ANO2: variants seen among roughly 807,000 people sequenced by gnomAD.
ANO2 encodes anoctamin 2, also known as anoctamin-2.
In ANO2, 101 loss-of-function variants were observed where a neutral mutation model predicts 124.2. That is an observed-to-expected ratio of 0.81 (90% confidence interval 0.69 to 0.96). The LOEUF (loss-of-function observed/expected upper bound fraction) is 0.96, where lower values mean the gene tolerates loss of function less well. Among genes scored for constraint, ANO2 ranks in the 40% least tolerant of loss-of-function variants. ANO2 has a pLI of 0.00. For missense variants in ANO2, 1,293 were observed against 1,274.5 expected, an observed-to-expected ratio of 1.01 and a Z score of -0.22; for synonymous variants, 486 against 482.5, an observed-to-expected ratio of 1.01 and a Z score of -0.09.
chr12:5,581,401 C>T (rs554942601), intron 20 of ANO2, among the ~76,000 whole-genome samples: 4 of 152,252 alleles, frequency 2.6e-5, no homozygotes, highest in South Asian at 4.2e-4. Context: ...ACACAGCATG[C>T]CCTCACCACA....
At chr12:5,707,895 C>A (rs927958760) in intron 14 of ANO2, among the ~76,000 whole-genome samples, 1 of 152,206 alleles carries the variant, frequency 6.6e-6, no homozygotes, top group African/African-American at 2.4e-5. Flanking sequence ...ATTGTCCACT[C>A]CCATGTGTCC....
At chr12:5,926,301 C>A (rs1037021916) in intron 1 of ANO2, among the ~76,000 whole-genome samples, 1 of 152,210 alleles carries the variant, frequency 6.6e-6, no homozygotes, top group Non-Finnish European at 1.5e-5. Flanking sequence ...CCCTGGAGGA[C>A]GGCGATGCCC....
At chr12:5,631,964 G>A (rs1248281699) in intron 16 of ANO2, among the ~76,000 whole-genome samples, 1 of 152,190 alleles carries the variant, frequency 6.6e-6, no homozygotes, top group Non-Finnish European at 1.5e-5. Context: ...GAGGCCCATT[G>A]AAAGAGGCTG....
chr12:5,854,398 CAAAAAAA>C (rs56030072), intron 3 of ANO2, among the ~76,000 whole-genome samples: 1 of 76,118 alleles, frequency 1.3e-5, no homozygotes. Flanking sequence ...AGCTTCAGAG[CAAAAAAA>C]AAAAAAAAAA....
chr12:5,859,082 T>A (rs1955190248), intron 3 of ANO2, among the ~76,000 whole-genome samples: 1 of 152,218 alleles, frequency 6.6e-6, no homozygotes, highest in South Asian at 2.1e-4. Flanking sequence ...AGATTAGCCG[T>A]CAGAGGATAC....
intron 14 of ANO2, among the ~76,000 whole-genome samples, chr12:5,689,953 A>G (rs1200746439): frequency 6.6e-6 from 1 of 152,204 alleles, no homozygotes; most frequent in East Asian, 1.9e-4. Context: ...AAACTCCTAT[A>G]GTGACTGCCC....
At chr12:5,715,212 C>T (rs890474732) in intron 14 of ANO2, among the ~76,000 whole-genome samples, 1 of 152,134 alleles carries the variant, frequency 6.6e-6, no homozygotes, top group Admixed American at 6.6e-5. Context: ...GTTAAAGTTA[C>T]TGAAGGGGGT....
intron 1 of ANO2, among the ~76,000 whole-genome samples, chr12:5,924,909 A>T (rs1445038121): frequency 6.6e-6 from 1 of 152,160 alleles, no homozygotes; most frequent in Non-Finnish European, 1.5e-5. Flanking sequence ...GAATTGATTG[A>T]GGCCTGTCTC....
At chr12:5,907,000 AT>A (rs1479556951) in intron 3 of ANO2, among the ~76,000 whole-genome samples, 3 of 152,136 alleles carry the variant, frequency 2.0e-5, no homozygotes, top group Non-Finnish European at 2.9e-5. Flanking sequence ...ATCAAATAAC[AT>A]TTTTAAATAA....
At chr12:5,824,286 T>C (rs1953893187) in intron 7 of ANO2, among the ~76,000 whole-genome samples, 1 of 152,214 alleles carries the variant, frequency 6.6e-6, no homozygotes, top group South Asian at 2.1e-4. Flanking sequence ...TTTCCAAACT[T>C]TTATGTTCTG....
At chr12:5,720,415 C>G (rs745892357) in intron 14 of ANO2, among the ~76,000 whole-genome samples, 4 of 152,122 alleles carry the variant, frequency 2.6e-5, no homozygotes, top group Non-Finnish European at 4.4e-5. Flanking sequence ...TGTGTGTTTC[C>G]AGTGAATTCT....
At chr12:5,826,372 G>A (rs914278318) in intron 7 of ANO2, among the ~76,000 whole-genome samples, 3 of 151,466 alleles carry the variant, frequency 2.0e-5, no homozygotes, top group Admixed American at 2.0e-4. Context: ...GATCCTGGGT[G>A]TGTCTGAGAG....
At chr12:5,710,474 G>C (rs1949771477) in intron 14 of ANO2, among the ~76,000 whole-genome samples, 1 of 152,226 alleles carries the variant, frequency 6.6e-6, no homozygotes, top group African/African-American at 2.4e-5. Context: ...GTTAATGTCA[G>C]TTGGGATGGG....
intron 14 of ANO2, among the ~76,000 whole-genome samples, chr12:5,709,060 C>CT: frequency 6.6e-6 from 1 of 152,324 alleles, no homozygotes; most frequent in Non-Finnish European, 1.5e-5. Context: ...TCAATAAGCA[C>CT]TTTTTAAATA....
chr12:5,796,532 CA>C (rs1205129272), intron 10 of ANO2, among the ~76,000 whole-genome samples: 4 of 152,086 alleles, frequency 2.6e-5, no homozygotes, highest in Admixed American at 1.3e-4. Flanking sequence ...CTCACACTCA[CA>C]CACACTAACA....
intron 15 of ANO2, among the ~76,000 whole-genome samples, chr12:5,644,341 C>T (rs1946528932): frequency 6.6e-6 from 1 of 152,146 alleles, no homozygotes; most frequent in African/African-American, 2.4e-5. Context: ...CTATTTTGTT[C>T]CATTGGTCTC....
intron 10 of ANO2, among the ~76,000 whole-genome samples, chr12:5,751,923 T>C (rs1239751415): frequency 2.0e-5 from 3 of 152,192 alleles, no homozygotes; most frequent in Non-Finnish European, 4.4e-5. Flanking sequence ...TTCTATTCTT[T>C]GGATCTATGA....
At chr12:5,600,358 A>C (rs7133726) in intron 19 of ANO2, among the ~76,000 whole-genome samples, 145,862 of 152,224 alleles carry the variant, frequency 0.96, 70,193 homozygotes, top group East Asian at 1. Flanking sequence ...TGATCTTGAA[A>C]CTTTCAGCCT....
At chr12:5,945,295 G>A (rs953772800), upstream of ANO2, 17 of 1,219,200 alleles carry the variant, frequency 1.4e-5, no homozygotes, top group Admixed American at 4.1e-4. Context: ...TAATTCCATC[G>A]CGGCTCAGCT....
Sources: gnomAD v4.1 joint callset for allele counts (sites outside exome capture counted in the v4.1 genomes callset) on GRCh38, gnomAD v4.1.1 for gene constraint, MANE v1.5 for transcripts, NCBI Gene and HGNC (gene_info 2026-07-23, HGNC 2026-07-21) for gene names.